ERC2: variants seen among roughly 807,000 people sequenced by gnomAD.
ERC2 encodes ELKS/RAB6-interacting/CAST family member 2.
A neutral mutation model predicts 114.8 loss-of-function variants in ERC2; 42 were observed. That is an observed-to-expected ratio of 0.37 (90% CI 0.29 to 0.47). The LOEUF (loss-of-function observed/expected upper bound fraction) is 0.47, where lower values mean the gene tolerates loss of function less well. Ranked by LOEUF, ERC2 falls within the 20% of genes least tolerant of loss-of-function variation. The probability of loss-of-function intolerance (pLI) is 0.99; values close to 1 mark genes in which losing one functional copy is unlikely to be tolerated. For synonymous variants in ERC2, 454 were observed against 425.5 expected, an observed-to-expected ratio of 1.07 and a Z score of -0.82; for missense variants, 939 against 1,150.7, an observed-to-expected ratio of 0.82 and a Z score of 2.66.
chr3:55,915,554 T>C (rs1047239377), intron 13 of ERC2, among the ~76,000 whole-genome samples: 4 of 152,150 alleles, frequency 2.6e-5, no homozygotes, highest in African/African-American at 9.7e-5. Flanking sequence ...AAAAGTGAAT[T>C]TGGATTCATG....
At chr3:56,458,552 G>T (rs1054515780) in intron 1 of ERC2, among the ~76,000 whole-genome samples, 1 of 152,054 alleles carries the variant, frequency 6.6e-6, no homozygotes, top group East Asian at 1.9e-4. Context: ...ACTGCTCCAC[G>T]CTCACAAGCC....
At chr3:56,327,038 G>C (rs910056177) in intron 2 of ERC2, among the ~76,000 whole-genome samples, 1 of 152,200 alleles carries the variant, frequency 6.6e-6, no homozygotes, top group Non-Finnish European at 1.5e-5. Context: ...CTACAAAGAG[G>C]ATGCTGCTGT....
chr3:56,210,882 C>T (rs1169068044), intron 3 of ERC2, among the ~76,000 whole-genome samples: 1 of 152,106 alleles, frequency 6.6e-6, no homozygotes, highest in Non-Finnish European at 1.5e-5. Flanking sequence ...ATTAGAAGTT[C>T]CTAGCTCCAT....
chr3:56,438,719 C>T (rs1326800555), intron 1 of ERC2, among the ~76,000 whole-genome samples: 2 of 152,208 alleles, frequency 1.3e-5, no homozygotes, highest in Non-Finnish European at 2.9e-5. Context: ...CCTCTGTCTG[C>T]TCCCTTTGTA....
At position 55,699,422 on chromosome 3, in the gene ERC2, G is replaced by C. The variant is rs375736856; in HGVS notation, c.2803C>G (p.Pro935Ala). The C allele has an allele frequency of 2.7e-5, 44 of 1,613,760 alleles. 1 individual carries two copies. Among genetic ancestry groups the C allele is most frequent in the Non-Finnish European group, 1.4e-5 (16 of 1,179,850 alleles). The change falls in exon 16 of 18, where the codon CCT becomes GCT. Residue 935 changes from proline (P) to alanine (A), a missense_variant. Physicochemically the swap from Pro to Ala is conservative, Grantham distance 27 (BLOSUM62 -1). Coordinates refer to ENST00000288221, the MANE Select transcript of ERC2 (RefSeq NM_015576.3). ...TGATTGGAATGTTGCGACCTCCCAG[G>C]AGATCGATGGTGGTGGTGATGGTGG... is the stretch of plus-strand genomic sequence containing the variant. ...HHHHHHHHRS[P>A]GRSQHSNHRP...
chr3:55,914,079 T>C (rs899166959), intron 13 of ERC2, among the ~76,000 whole-genome samples: 1 of 152,112 alleles, frequency 6.6e-6, no homozygotes, highest in Non-Finnish European at 1.5e-5. Context: ...ACAAGGAGAC[T>C]GGATACTCAT....
chr3:56,036,571 C>G (rs1337666449), intron 7 of ERC2, among the ~76,000 whole-genome samples: 2 of 152,080 alleles, frequency 1.3e-5, no homozygotes, highest in Non-Finnish European at 2.9e-5. Context: ...GCTGAGGTAT[C>G]CAGGTTCTCT....
At chr3:55,628,272 A>G (rs2059605308) in intron 17 of ERC2, among the ~76,000 whole-genome samples, 1 of 64,456 alleles carries the variant, frequency 1.6e-5, no homozygotes, top group Non-Finnish European at 2.9e-5. Context: ...GCATTGTCCA[A>G]TACTGTAGCA....
At chr3:56,468,121 G>T (rs1318799172) in intron 1 of ERC2, 127 bp downstream of exon 1, 1 of 152,022 alleles carries the variant, frequency 6.6e-6, no homozygotes, top group African/African-American at 2.4e-5. Flanking sequence ...TTCACCCTTA[G>T]GCTCCCCACG....
At chr3:56,189,793 G>C (rs2083874784) in intron 3 of ERC2, among the ~76,000 whole-genome samples, 1 of 152,160 alleles carries the variant, frequency 6.6e-6, no homozygotes, top group South Asian at 2.1e-4. Context: ...ACAACCCGCT[G>C]GCACTCTCTG....
intron 3 of ERC2, among the ~76,000 whole-genome samples, chr3:56,204,955 T>C (rs2048632550): frequency 6.6e-6 from 1 of 150,776 alleles, no homozygotes; most frequent in South Asian, 2.1e-4. Flanking sequence ...TGTGTGTGTA[T>C]GTCTGTCTGT....
At chr3:56,212,794 T>TACAC (rs148746898) in intron 3 of ERC2, among the ~76,000 whole-genome samples, 142 of 143,520 alleles carry the variant, frequency 9.9e-4, no homozygotes, top group South Asian at 5.4e-3. Flanking sequence ...CATATACATA[T>TACAC]ACACACACAC....
chr3:56,014,638 T>C (rs1235642825), intron 8 of ERC2, among the ~76,000 whole-genome samples: 1 of 152,082 alleles, frequency 6.6e-6, no homozygotes, highest in East Asian at 1.9e-4. Context: ...GTTTCAGATT[T>C]GGGAATTACT....
chr3:56,021,930 C>T (rs1051976189), intron 7 of ERC2, among the ~76,000 whole-genome samples: 1 of 152,152 alleles, frequency 6.6e-6, no homozygotes, highest in Non-Finnish European at 1.5e-5. Context: ...ACATAATATT[C>T]CATGGTGTAT....
intron 14 of ERC2, among the ~76,000 whole-genome samples, chr3:55,886,620 C>T (rs938957991): frequency 9.9e-5 from 15 of 152,116 alleles, no homozygotes; most frequent in African/African-American, 3.6e-4. Context: ...TTTAATACTA[C>T]ACTATATTTT....
chr3:56,148,355 G>C (rs2149947192), intron 5 of ERC2, among the ~76,000 whole-genome samples: 1 of 151,948 alleles, frequency 6.6e-6, no homozygotes, highest in South Asian at 2.1e-4. Context: ...GTACCATCTT[G>C]GCTCACTGCA....
In ERC2 at chr3:55,928,266, G is replaced by A. The variant is rs111616754; in HGVS notation, c.2403+22159C>T. On this transcript the variant is annotated intron_variant, in intron 13 of 17. Transcript: ENST00000288221. ...CTTCCCTTTTCTCACATCCTTCCCA[G>A]CATTTGTTATTGCCTGTCTTTTGGA... 7.9e-5 allele frequency among the ~76,000 whole-genome samples: 12 copies of A among 152,224 alleles called. 1 individual carries two copies. Among genetic ancestry groups the A allele is most frequent in the African/African-American group, 2.9e-4 (12 of 41,544 alleles).
chr3:56,191,760 C>T (rs116028598), intron 3 of ERC2, among the ~76,000 whole-genome samples: 1 of 152,110 alleles, frequency 6.6e-6, no homozygotes, highest in African/African-American at 2.4e-5. Context: ...TACACTCCCC[C>T]ACCCCAGACA....
chr3:56,118,762 G>A (rs1016138057), intron 6 of ERC2, among the ~76,000 whole-genome samples: 1 of 150,252 alleles, frequency 6.7e-6, no homozygotes, highest in African/African-American at 2.4e-5. Flanking sequence ...TCAGCCTCCC[G>A]AGTAGCTGGG....
Sources: gnomAD v4.1 joint callset for allele counts (sites outside exome capture counted in the v4.1 genomes callset) on GRCh38, gnomAD v4.1.1 for gene constraint, MANE v1.5 for transcripts, NCBI Gene and HGNC (gene_info 2026-07-23, HGNC 2026-07-21) for gene names.